TEX11: variants seen among roughly 807,000 people sequenced by gnomAD.
The protein encoded by TEX11 is testis expressed 11.
TEX11 carries 7 observed loss-of-function variants against 84.4 expected under a neutral mutation model. The ratio of observed to expected loss-of-function variants is 0.08; its 90% CI spans 0.05 to 0.16. The LOEUF is 0.16. TEX11 is among the 10% of genes least tolerant of loss of function. TEX11 has a pLI of 1.00. For synonymous variants in TEX11, 264 were observed against 222.8 expected, an observed-to-expected ratio of 1.18 and a Z score of -1.64; for missense variants, 551 against 660.5, an observed-to-expected ratio of 0.83 and a Z score of 1.82.
intron 8 of TEX11, among the ~76,000 whole-genome samples, chrX:70,812,183 T>C (rs1468192151): frequency 9.9e-6 from 1 of 101,406 alleles, no homozygotes; most frequent in Non-Finnish European, 2.0e-5. Context: ...GGACTAATAT[T>C]TAAGTCTTTA....
intron 13 of TEX11, among the ~76,000 whole-genome samples, chrX:70,700,926 A>T (rs1311454129): frequency 8.9e-6 from 1 of 112,133 alleles, no homozygotes; most frequent in Non-Finnish European, 1.9e-5. Flanking sequence ...CTTGAGCCAA[A>T]GCCTAATCCA....
In TEX11 at chrX:70,852,875, A is replaced by G. The variant is rs768755437; in HGVS notation, c.525+159T>C. 3.9e-3 allele frequency among the ~76,000 whole-genome samples: 436 copies of G among 112,059 alleles called. 2 individuals carry two copies. The highest frequency in any genetic ancestry group is 7.1e-3 in the Non-Finnish European group (378 of 53,195). On this transcript the variant is annotated intron_variant, in intron 7 of 29. Coordinates refer to ENST00000374333, the MANE Select transcript of TEX11 (RefSeq NM_031276.3). ...CCCATAGATTCCAATCAGCATTAGTAACATCACCTTCAGATATAACAGAGA... is the reference window on the plus strand; with the variant it reads ...CCCATAGATTCCAATCAGCATTAGTGACATCACCTTCAGATATAACAGAGA...
chrX:70,803,709 A>T (rs1042018210), intron 9 of TEX11, among the ~76,000 whole-genome samples: 6 of 112,404 alleles, frequency 5.3e-5, no homozygotes, highest in African/African-American at 1.9e-4. Flanking sequence ...TTAAGCCTGT[A>T]GAATGTGTAC....
chrX:70,785,364 C>T (rs1270724180), intron 9 of TEX11, among the ~76,000 whole-genome samples: 3 of 111,921 alleles, frequency 2.7e-5, no homozygotes, highest in Non-Finnish European at 5.6e-5. Context: ...CCATAAAAAA[C>T]CTAGAAGAAA....
At chrX:70,677,214 A>G (rs756782698) in intron 15 of TEX11, among the ~76,000 whole-genome samples, 1 of 111,938 alleles carries the variant, frequency 8.9e-6, no homozygotes, top group South Asian at 3.8e-4. Context: ...CTTGGGATCA[A>G]TTTGATCCTT....
chrX:70,648,512 A>T (rs1456399664), intron 17 of TEX11, among the ~76,000 whole-genome samples: 1 of 111,372 alleles, frequency 9.0e-6, no homozygotes, highest in African/African-American at 3.3e-5. Context: ...AAAAAAGACA[A>T]CTTGTATCCA....
chrX:70,711,784 T>C (rs1381991961), intron 13 of TEX11, among the ~76,000 whole-genome samples: 1 of 111,720 alleles, frequency 9.0e-6, no homozygotes, highest in Non-Finnish European at 1.9e-5. Context: ...GCAGAAGCTC[T>C]TTAGTTTAAT....
chrX:70,804,143 C>T (rs1457567091), intron 9 of TEX11, among the ~76,000 whole-genome samples: 1 of 112,137 alleles, frequency 8.9e-6, no homozygotes, highest in Non-Finnish European at 1.9e-5. Context: ...GAGTCCATCT[C>T]TAATAAATAG....
intron 9 of TEX11, among the ~76,000 whole-genome samples, chrX:70,786,858 G>A (rs747646864): frequency 9.8e-5 from 11 of 111,928 alleles, no homozygotes; most frequent in East Asian, 2.8e-4. Context: ...TGACTGTCCC[G>A]GTGTGGTGAC....
intron 3 of TEX11, among the ~76,000 whole-genome samples, 168 bp downstream of exon 3, chrX:70,879,820 T>C (rs1168638176): frequency 2.7e-5 from 3 of 111,611 alleles, no homozygotes; most frequent in East Asian, 5.6e-4. Flanking sequence ...TATGTTCCCA[T>C]TGGTTTCTAA....
At chrX:70,671,507 T>G in intron 15 of TEX11, among the ~76,000 whole-genome samples, 1 of 110,814 alleles carries the variant, frequency 9.0e-6, no homozygotes, top group Middle Eastern at 4.7e-3. Flanking sequence ...GTGTTGGAAG[T>G]GGATGTTTTA....
chrX:70,842,012 C>T (rs1461053543), intron 7 of TEX11, among the ~76,000 whole-genome samples: 5 of 111,188 alleles, frequency 4.5e-5, no homozygotes, highest in Non-Finnish European at 9.4e-5. Context: ...CAAAAAAAGT[C>T]CAGGACCAGA....
At chrX:70,747,597 C>A (rs999082475) in intron 9 of TEX11, among the ~76,000 whole-genome samples, 4 of 111,413 alleles carry the variant, frequency 3.6e-5, no homozygotes, top group African/African-American at 1.3e-4. Context: ...TTTGAGGAGG[C>A]CCCAATGTTG....
chrX:70,544,846 A>AC (rs201543175), intron 28 of TEX11, among the ~76,000 whole-genome samples: 12,328 of 103,402 alleles, frequency 0.12, 928 homozygotes, highest in Non-Finnish European at 0.18. Flanking sequence ...CAAAAAAAAA[A>AC]AAAAAAAAAA....
rs1037104416 is a variant in TEX11 at position 70,749,962 on chromosome X, A to C, written c.693-5743T>G. 5.4e-5 allele frequency among the ~76,000 whole-genome samples: 6 copies of C among 111,178 alleles called. No homozygotes were observed. The South Asian group carries it at 1.9e-3, about 36-fold the overall frequency. The stretch of plus-strand genomic sequence containing the variant: ...TAAAGAGCTTCTGCACAGCAAAAGA[A>C]ACTACCATCAGAGTGAACAGGCAAC... On this transcript the variant is annotated intron_variant, in intron 9 of 29. Transcript: ENST00000374333.
intron 8 of TEX11, among the ~76,000 whole-genome samples, chrX:70,830,916 T>G (rs1346141475): frequency 5.4e-5 from 6 of 111,712 alleles, no homozygotes; most frequent in Non-Finnish European, 9.4e-5. Context: ...CTCAAAAAAT[T>G]AAAAATGTAA....
intron 13 of TEX11, among the ~76,000 whole-genome samples, chrX:70,700,281 CTGTT>C (rs773232510): frequency 3.9e-4 from 43 of 111,183 alleles, no homozygotes; most frequent in Non-Finnish European, 7.2e-4. Flanking sequence ...AGATACTGTT[CTGTT>C]TGTTTGTTTT....
chrX:70,844,354 C>T (rs1278287181), intron 7 of TEX11, among the ~76,000 whole-genome samples: 9 of 105,350 alleles, frequency 8.5e-5, no homozygotes, highest in African/African-American at 3.1e-4. Flanking sequence ...AGCAAACTAT[C>T]GCAAGGACAA....
intron 13 of TEX11, among the ~76,000 whole-genome samples, chrX:70,696,936 T>G (rs949638556): frequency 8.9e-6 from 1 of 111,801 alleles, no homozygotes; most frequent in Non-Finnish European, 1.9e-5. Context: ...GGAGAATACA[T>G]TTCTAGGCTC....
Sources: allele counts gnomAD v4.1 joint callset (sites outside exome capture counted in the v4.1 genomes callset), GRCh38; gene constraint gnomAD v4.1.1; transcripts MANE v1.5; gene names NCBI Gene and HGNC (gene_info 2026-07-23, HGNC 2026-07-21).